The following MORC3 variants were observed in gnomAD, a reference collection of about 807,000 sequenced individuals.
MORC3 encodes MORC family CW-type zinc finger protein 3.
A neutral mutation model predicts 109.1 loss-of-function variants in MORC3; 31 were observed. The ratio of observed to expected loss-of-function variants is 0.28; its 90% confidence interval spans 0.21 to 0.38. MORC3 has a LOEUF of 0.38. Ranked by LOEUF, MORC3 falls within the 10% of genes least tolerant of loss-of-function variation. The probability of loss-of-function intolerance (pLI) is 1.00; values close to 1 mark genes in which losing one functional copy is unlikely to be tolerated. For synonymous variants in MORC3, 395 were observed against 380.7 expected, an observed-to-expected ratio of 1.04 and a Z score of -0.44; for missense variants, 867 against 1,135.8, an observed-to-expected ratio of 0.76 and a Z score of 3.40.
At chr21:36,320,565 T>G (rs915975488) in intron 1 of MORC3, 5 of 328,672 alleles carry the variant, frequency 1.5e-5, no homozygotes, top group Non-Finnish European at 2.7e-5. Flanking sequence ...CCCAGCTCCC[T>G]CCTAGTCTCC....
intron 1 of MORC3, among the ~76,000 whole-genome samples, chr21:36,330,705 C>T (rs1337318773): frequency 1.3e-5 from 2 of 152,156 alleles, no homozygotes; most frequent in Admixed American, 1.3e-4. Flanking sequence ...GGCCATGTCC[C>T]ATGGTTAAGA....
Position 36,334,648 on chromosome 21 carries a change from A to G in MORC3, c.112+930A>G, listed in dbSNP as rs1392279562. On this transcript the variant is annotated intron_variant, in intron 2 of 16. Coordinates refer to ENST00000400485, the MANE Select transcript of MORC3 (RefSeq NM_015358.3). ...AAAGTATGTGTAACATACAGCATGG[A>G]TTCATTTTTCTGGTATCAATAGGAG... 5.3e-5 allele frequency among the ~76,000 whole-genome samples: 8 copies of G among 152,282 alleles called. No homozygotes were observed. The South Asian group carries it at 1.7e-3, about 32-fold the overall frequency.
intron 2 of MORC3, among the ~76,000 whole-genome samples, chr21:36,334,009 G>A (rs995655646): frequency 5.3e-5 from 8 of 151,674 alleles, no homozygotes; most frequent in African/African-American, 1.5e-4. Flanking sequence ...GGATGGTCTC[G>A]ATCTCCTGAC....
chr21:36,358,590 TAAA>T (rs1375760576), intron 10 of MORC3, among the ~76,000 whole-genome samples: 1 of 151,682 alleles, frequency 6.6e-6, no homozygotes, highest in African/African-American at 2.4e-5. Context: ...ACCTATCTCT[TAAA>T]AAAATAAATA....
chr21:36,338,997 C>T (rs1175953021), intron 5 of MORC3, 76 bp downstream of exon 5: 13 of 1,473,786 alleles, frequency 8.8e-6, no homozygotes, highest in African/African-American at 2.8e-5. Context: ...ATTCATCTCT[C>T]GTTACACACA....
chr21:36,337,184 G>C (rs75813936), intron 3 of MORC3, among the ~76,000 whole-genome samples, 178 bp downstream of exon 3: 3,981 of 152,206 alleles, frequency 0.026, 70 homozygotes, highest in Admixed American at 0.047. Context: ...CTTCACCACT[G>C]TCATCACCTA....
At chr21:36,375,065 T>C in intron 16 of MORC3, 78 bp from the exon 17 acceptor site, 2 of 1,389,688 alleles carry the variant, frequency 1.4e-6, no homozygotes, top group Non-Finnish European at 2.0e-6. Flanking sequence ...GATTTGATTT[T>C]GATATTTTAC....
chr21:36,364,790 G>A (rs1180947632), intron 14 of MORC3, among the ~76,000 whole-genome samples: 1 of 151,508 alleles, frequency 6.6e-6, no homozygotes, highest in South Asian at 2.1e-4. Flanking sequence ...GGTGGTTCAC[G>A]CCTGTAATCC....
intron 16 of MORC3, among the ~76,000 whole-genome samples, chr21:36,373,538 G>A (rs1347274616): frequency 1.3e-5 from 2 of 151,872 alleles, no homozygotes; most frequent in Admixed American, 6.6e-5. Flanking sequence ...CAGGAGAATC[G>A]CTTGAACCTG....
In MORC3 at chr21:36,349,392, T is replaced by C. The variant is rs1179372404; in HGVS notation, c.1087T>C (p.Tyr363His). 1.9e-6 allele frequency: 3 copies of C among 1,602,360 alleles called. No homozygotes were observed. Among genetic ancestry groups the C allele is most frequent in the Non-Finnish European group, 2.6e-6 (3 of 1,172,854 alleles). ...KPTHNKQDFD[Y>H]TNEYRLTITA... ...AACTCATAATAAACAAGATTTCGAC[T>C]ATACTAATGAGTACAGGTATGTTAC... Residue 363 changes from tyrosine to histidine, a missense_variant, in exon 9 of 17, where the codon TAT becomes CAT. Coordinates refer to ENST00000400485, the MANE Select transcript of MORC3 (RefSeq NM_015358.3).
intron 1 of MORC3, among the ~76,000 whole-genome samples, chr21:36,331,039 G>A (rs11910005): frequency 0.047 from 7,118 of 152,212 alleles, 533 homozygotes; most frequent in African/African-American, 0.16. Context: ...TCAACTTAAT[G>A]GTAAATGAAG....
chr21:36,333,434 A>C (rs962971136), intron 1 of MORC3: 1 of 569,190 alleles, frequency 1.8e-6, no homozygotes, highest in Admixed American at 3.2e-5. Flanking sequence ...GTTTTGAACC[A>C]AGTCTTGGTG....
intron 16 of MORC3, among the ~76,000 whole-genome samples, chr21:36,373,469 C>A (rs2085893273): frequency 6.6e-6 from 1 of 151,266 alleles, no homozygotes; most frequent in South Asian, 2.1e-4. Context: ...ACTAAAAATA[C>A]AAAATTAGCT....
chr21:36,323,759 G>A (rs2085217965), intron 1 of MORC3, among the ~76,000 whole-genome samples: 1 of 151,998 alleles, frequency 6.6e-6, no homozygotes, highest in Admixed American at 6.6e-5. Flanking sequence ...TCTGGAAAAT[G>A]TTCTTACTTA....
chr21:36,352,575 C>A (rs867384449), intron 9 of MORC3, among the ~76,000 whole-genome samples: 4 of 152,136 alleles, frequency 2.6e-5, no homozygotes, highest in Non-Finnish European at 5.9e-5. Context: ...AAGGTACTTT[C>A]ATGAGCATTT....
intron 14 of MORC3, among the ~76,000 whole-genome samples, chr21:36,366,807 G>A (rs1370583811): frequency 6.6e-6 from 1 of 152,206 alleles, no homozygotes; most frequent in African/African-American, 2.4e-5. Flanking sequence ...AAAGTTTGTG[G>A]AAAGGGTGTA....
At chr21:36,326,818 ATTT>A (rs879920096) in intron 1 of MORC3, among the ~76,000 whole-genome samples, 2 of 144,572 alleles carry the variant, frequency 1.4e-5, no homozygotes, top group Non-Finnish European at 3.1e-5. Flanking sequence ...AAATTTAAAG[ATTT>A]TTTTTTTTTT....
At chr21:36,326,801 A>T (rs1299325456) in intron 1 of MORC3, among the ~76,000 whole-genome samples, 3 of 151,998 alleles carry the variant, frequency 2.0e-5, no homozygotes, top group Non-Finnish European at 4.4e-5. Flanking sequence ...TCAGAAGACA[A>T]CATTATAAAT....
chr21:36,364,356 T>A, intron 14 of MORC3, 97 bp downstream of exon 14: 1 of 1,304,230 alleles, frequency 7.7e-7, no homozygotes, highest in East Asian at 2.4e-5. Context: ...TCATTGTAGG[T>A]TCCATTGTGA....
Sources: allele counts gnomAD v4.1 joint callset (sites outside exome capture counted in the v4.1 genomes callset), GRCh38; gene constraint gnomAD v4.1.1; transcripts MANE v1.5; gene names NCBI Gene and HGNC (gene_info 2026-07-23, HGNC 2026-07-21).